The following DSCAM variants were observed in gnomAD, a reference collection of about 807,000 sequenced individuals.
DSCAM encodes DS cell adhesion molecule, also known as cell adhesion molecule DSCAM.
DSCAM carries 47 observed loss-of-function variants against 217.7 expected under a neutral mutation model. That is an observed-to-expected ratio of 0.22 (90% CI 0.17 to 0.28). The LOEUF (loss-of-function observed/expected upper bound fraction) is 0.28, where lower values mean the gene tolerates loss of function less well. Among genes scored for constraint, DSCAM ranks in the 10% least tolerant of loss-of-function variants. The probability of loss-of-function intolerance (pLI) is 1.00; values close to 1 mark genes in which losing one functional copy is unlikely to be tolerated. For missense variants in DSCAM, 2,080 were observed against 2,618.3 expected (o/e 0.79, Z 4.49); for synonymous variants, 1,056 against 1,015.3 (o/e 1.04, Z -0.76).
At chr21:40,214,300 G>A (rs186385213) in intron 11 of DSCAM, among the ~76,000 whole-genome samples, 1 of 152,318 alleles carries the variant, frequency 6.6e-6, no homozygotes, top group Non-Finnish European at 1.5e-5. Flanking sequence ...CTCAGTCATA[G>A]TTAGCTGAGA....
intron 11 of DSCAM, among the ~76,000 whole-genome samples, chr21:40,206,673 T>C (rs1383829778): frequency 2.0e-5 from 3 of 147,184 alleles, no homozygotes; most frequent in Non-Finnish European, 4.4e-5. Flanking sequence ...TCCTTGCTTT[T>C]CCTGGGATTT....
chr21:40,565,425 T>C (rs939796689), intron 3 of DSCAM, among the ~76,000 whole-genome samples: 1 of 152,160 alleles, frequency 6.6e-6, no homozygotes, highest in African/African-American at 2.4e-5. Context: ...GATGCTAATC[T>C]CAACCAAAGA....
intron 3 of DSCAM, among the ~76,000 whole-genome samples, chr21:40,573,061 G>A (rs2076820643): frequency 6.6e-6 from 1 of 152,134 alleles, no homozygotes; most frequent in Admixed American, 6.5e-5. Flanking sequence ...TATGATAGCT[G>A]AAAACAATAA....
chr21:40,160,100 G>A (rs755443522), intron 16 of DSCAM, among the ~76,000 whole-genome samples: 8 of 152,270 alleles, frequency 5.3e-5, no homozygotes, highest in East Asian at 1.9e-4. Flanking sequence ...GCCCACATCC[G>A]TTATCCTCTA....
chr21:40,526,306 G>C (rs778144666), intron 3 of DSCAM, among the ~76,000 whole-genome samples: 1 of 152,142 alleles, frequency 6.6e-6, no homozygotes, highest in Non-Finnish European at 1.5e-5. Flanking sequence ...AGAGGAGAAG[G>C]TGGGAATATT....
intron 3 of DSCAM, among the ~76,000 whole-genome samples, chr21:40,469,572 C>T (rs1040309566): frequency 6.6e-6 from 1 of 152,170 alleles, no homozygotes; most frequent in African/African-American, 2.4e-5. Flanking sequence ...AATCATAGCA[C>T]ACAACTTGGC....
chr21:40,019,735 ATCCCT>A lies in DSCAM; in HGVS notation c.5687-6354_5687-6350del, dbSNP rs1414053042. Reference sequence around the variant, plus strand: ...TCCACTGGGTGCAAATGCCCTCGGCATCCCTGTGTGTAAATCTATCATTGCCATAA... The same window carrying A: ...TCCACTGGGTGCAAATGCCCTCGGCAGTGTGTAAATCTATCATTGCCATAA... On this transcript the variant is annotated intron_variant, in intron 32 of 32. Coordinates refer to ENST00000400454, the MANE Select transcript of DSCAM (RefSeq NM_001389.5). Among the ~76,000 whole-genome samples the A allele has an allele frequency of 1.7e-4, 26 of 152,330 alleles. No individual in the cohort carries two copies. In the East Asian group the frequency reaches 4.6e-3, roughly 27 times the overall value.
intron 1 of DSCAM, among the ~76,000 whole-genome samples, chr21:40,731,785 A>G (rs2091015106): frequency 8.0e-6 from 1 of 125,692 alleles, no homozygotes; most frequent in Non-Finnish European, 1.6e-5. Context: ...CTGGAGTGCA[A>G]TGGTGCGATC....
At chr21:40,138,582 G>C (rs1413682867) in intron 18 of DSCAM, among the ~76,000 whole-genome samples, 1 of 145,342 alleles carries the variant, frequency 6.9e-6, no homozygotes, top group African/African-American at 2.6e-5. Flanking sequence ...GGTGTGTGTG[G>C]TGTGGTATGT....
At chr21:40,596,945 A>G (rs1376844232) in intron 3 of DSCAM, among the ~76,000 whole-genome samples, 3 of 152,152 alleles carry the variant, frequency 2.0e-5, no homozygotes, top group East Asian at 3.8e-4. Flanking sequence ...GCATGATGTT[A>G]TATTAAAAAT....
chr21:40,757,522 G>A (rs1315679716), intron 1 of DSCAM, among the ~76,000 whole-genome samples: 5 of 152,176 alleles, frequency 3.3e-5, no homozygotes, highest in Admixed American at 2.0e-4. Flanking sequence ...TTAGTCACAG[G>A]AATATTGCCA....
intron 3 of DSCAM, among the ~76,000 whole-genome samples, chr21:40,541,603 ATATTTGTGTGTGTGTGTGGTC>A (rs1289286696): frequency 6.6e-6 from 1 of 152,146 alleles, no homozygotes; most frequent in African/African-American, 2.4e-5. Flanking sequence ...ATATATGTGT[ATATTTGTGTGTGTGTGTGGTC>A]TATACACACA....
At chr21:40,066,603 T>A (rs866619251) in intron 27 of DSCAM, among the ~76,000 whole-genome samples, 20 of 151,912 alleles carry the variant, frequency 1.3e-4, no homozygotes, top group Middle Eastern at 3.4e-3. Flanking sequence ...TGCAAATGAA[T>A]TTTTTTTTAC....
chr21:40,730,724 G>A lies in DSCAM; in HGVS notation c.44-21953C>T, dbSNP rs76966110. ...AACTGCAAGAGAGGAGGGGGTGGGA[G>A]CAAGACCCCGGACTCACAATACCCC... On this transcript the variant is annotated intron_variant, in intron 1 of 32. Coordinates refer to ENST00000400454, the MANE Select transcript of DSCAM (RefSeq NM_001389.5). Among the ~76,000 whole-genome samples, 733 of 152,266 alleles carry A rather than the reference G, an allele frequency of 4.8e-3. 29 individuals carry two copies. In the East Asian group the frequency reaches 0.092, roughly 19 times the overall value.
At chr21:40,646,204 C>A (rs947762916) in intron 3 of DSCAM, among the ~76,000 whole-genome samples, 2 of 152,120 alleles carry the variant, frequency 1.3e-5, no homozygotes, top group African/African-American at 2.4e-5. Flanking sequence ...ATCATGAGAT[C>A]AAGAGATCGA....
rs923450802 is a variant in DSCAM at position 40,296,573 on chromosome 21, T to C, written c.2063-399A>G. Among the ~76,000 whole-genome samples the C allele has an allele frequency of 3.9e-5, 6 of 152,182 alleles. No individual in the cohort carries two copies. In the East Asian group the frequency reaches 7.7e-4, roughly 20 times the overall value. ...CAGGCTGGGCGCGGTGGCTCATGCC[T>C]GTAATCCCAACACTTTGGGAGTCCG... On this transcript the variant is annotated intron_variant, in intron 9 of 32. Coordinates refer to ENST00000400454, the MANE Select transcript of DSCAM (RefSeq NM_001389.5).
intron 3 of DSCAM, among the ~76,000 whole-genome samples, chr21:40,523,901 C>T (rs560746939): frequency 6.6e-6 from 1 of 152,074 alleles, no homozygotes; most frequent in Non-Finnish European, 1.5e-5. Context: ...GTCTGTATGC[C>T]CTCTCCTGAA....
intron 32 of DSCAM, among the ~76,000 whole-genome samples, chr21:40,027,104 TGTAAA>T (rs2088405066): frequency 1.3e-5 from 2 of 152,414 alleles, no homozygotes; most frequent in African/African-American, 4.8e-5. Context: ...TTTGCTTGTC[TGTAAA>T]GTATTTTATT....
chr21:40,488,920 G>A (rs999444657), intron 3 of DSCAM, among the ~76,000 whole-genome samples: 4 of 152,160 alleles, frequency 2.6e-5, no homozygotes, highest in African/African-American at 4.8e-5. Flanking sequence ...CTGCAGCCAC[G>A]TGGAAAGAAT....
Sources: allele counts gnomAD v4.1 joint callset (sites outside exome capture counted in the v4.1 genomes callset), GRCh38; gene constraint gnomAD v4.1.1; transcripts MANE v1.5; gene names NCBI Gene and HGNC (gene_info 2026-07-23, HGNC 2026-07-21).